Variants in KDM6A observed in about 807,000 individuals in gnomAD.
The protein encoded by KDM6A is lysine-specific demethylase 6A.
KDM6A carries 11 observed loss-of-function variants against 117.6 expected under a neutral mutation model. The ratio of observed to expected loss-of-function variants is 0.09; its 90% CI spans 0.06 to 0.15. The LOEUF (loss-of-function observed/expected upper bound fraction) is 0.15, where lower values mean the gene tolerates loss of function less well. KDM6A is among the 10% of genes least tolerant of loss of function. The pLI, the probability that KDM6A is intolerant of heterozygous loss-of-function variation, is 1.00. For synonymous variants in KDM6A, 384 were observed against 396.1 expected (o/e 0.97, Z 0.36); for missense variants, 799 against 1,077.3 (o/e 0.74, Z 3.62).
At chrX:45,062,794 A>AT (rs957858908) in intron 16 of KDM6A, 46 bp downstream of exon 16, 1 of 812,302 alleles carries the variant, frequency 1.2e-6, no homozygotes, top group Non-Finnish European at 1.9e-6. Flanking sequence ...CATTTTGAGT[A>AT]TTTTTATTGA....
At chrX:45,055,098 A>G (rs1250660281) in intron 10 of KDM6A, among the ~76,000 whole-genome samples, 2 of 111,115 alleles carry the variant, frequency 1.8e-5, no homozygotes, top group South Asian at 3.8e-4. Flanking sequence ...AAAGGTTCCA[A>G]TTTTATGACT....
At chrX:44,957,387 A>C (rs2038398970) in intron 2 of KDM6A, among the ~76,000 whole-genome samples, 1 of 112,337 alleles carries the variant, frequency 8.9e-6, no homozygotes, top group South Asian at 3.6e-4. Flanking sequence ...CAAGTTCATC[A>C]TAAAAGATTA....
At chrX:44,972,029 T>C (rs2039372469) in intron 3 of KDM6A, among the ~76,000 whole-genome samples, 1 of 110,412 alleles carries the variant, frequency 9.1e-6, no homozygotes, top group Non-Finnish European at 1.9e-5. Flanking sequence ...GTGTTGGCAA[T>C]ACCAAGAAGC....
chrX:44,942,693 A>T (rs192375328), intron 2 of KDM6A, among the ~76,000 whole-genome samples: 2 of 109,584 alleles, frequency 1.8e-5, no homozygotes, highest in Admixed American at 2.0e-4. Context: ...AATAAAAATT[A>T]GGGGGGATTG....
chrX:45,032,498 T>A (rs2042640473), intron 6 of KDM6A, among the ~76,000 whole-genome samples: 1 of 112,158 alleles, frequency 8.9e-6, no homozygotes, highest in Non-Finnish European at 1.9e-5. Flanking sequence ...AATTATTCTG[T>A]AAGTTCTTTC....
chrX:44,984,927 A>C (rs1432531844), intron 4 of KDM6A, among the ~76,000 whole-genome samples: 3 of 110,954 alleles, frequency 2.7e-5, no homozygotes, highest in Non-Finnish European at 5.7e-5. Flanking sequence ...AGTTTAAAGT[A>C]GTTTTTTCCA....
At chrX:44,886,647 G>A (rs933138724) in intron 2 of KDM6A, among the ~76,000 whole-genome samples, 6 of 107,459 alleles carry the variant, frequency 5.6e-5, no homozygotes, top group African/African-American at 2.0e-4. Flanking sequence ...CTACCACCAC[G>A]CCCTGCTGAT....
At chrX:44,983,249 G>A (rs1408747219) in intron 4 of KDM6A, among the ~76,000 whole-genome samples, 1 of 111,456 alleles carries the variant, frequency 9.0e-6, no homozygotes, top group African/African-American at 3.3e-5. Context: ...CCCCAAGTCA[G>A]CACAAATAGG....
intron 8 of KDM6A, among the ~76,000 whole-genome samples, chrX:45,050,314 TGG>T (rs1248835495): frequency 8.9e-6 from 1 of 112,667 alleles, no homozygotes; most frequent in Non-Finnish European, 1.9e-5. Flanking sequence ...CACTCCAGCC[TGG>T]GCAACAAGGG....
At chrX:44,918,832 G>A (rs904370012) in intron 2 of KDM6A, among the ~76,000 whole-genome samples, 1 of 111,890 alleles carries the variant, frequency 8.9e-6, no homozygotes, top group African/African-American at 3.2e-5. Context: ...TTAGGTGAAA[G>A]TGGGAGAGGA....
chrX:44,989,868 C>A (rs2040476055), intron 4 of KDM6A, among the ~76,000 whole-genome samples: 1 of 111,737 alleles, frequency 8.9e-6, no homozygotes, highest in African/African-American at 3.3e-5. Flanking sequence ...CAGACTTTTT[C>A]TTACAGGGCA....
At chrX:44,951,970 G>A (rs2038034441) in intron 2 of KDM6A, among the ~76,000 whole-genome samples, 2 of 112,113 alleles carry the variant, frequency 1.8e-5, no homozygotes, top group African/African-American at 6.5e-5. Context: ...GTATATGTAA[G>A]TTGCTTAGAA....
intron 8 of KDM6A, among the ~76,000 whole-genome samples, chrX:45,043,993 G>T (rs1412867803): frequency 1.8e-5 from 2 of 111,550 alleles, no homozygotes; most frequent in African/African-American, 6.5e-5. Flanking sequence ...TCTATGTTTA[G>T]ATATTTACCA....
At chrX:44,876,986 T>C (rs767479356) in intron 2 of KDM6A, among the ~76,000 whole-genome samples, 2 of 110,742 alleles carry the variant, frequency 1.8e-5, no homozygotes, top group Non-Finnish European at 3.9e-5. Flanking sequence ...TATATACACG[T>C]ATACGCATAC....
chrX:45,111,329 T>G, intron 29 of KDM6A, 53 bp from the exon 30 acceptor site: 115 of 974,836 alleles, frequency 1.2e-4, no homozygotes, highest in Non-Finnish European at 1.6e-4. Flanking sequence ...TTTGTAGCCA[T>G]GAGCTATTAA....
chrX:45,015,986 A>G (rs770749845), intron 5 of KDM6A, among the ~76,000 whole-genome samples: 2 of 111,861 alleles, frequency 1.8e-5, no homozygotes, highest in East Asian at 5.6e-4. Context: ...TATATTAGCA[A>G]CTGTCAGTGT....
intron 23 of KDM6A, 70 bp downstream of exon 23, chrX:45,082,859 T>A: frequency 3.0e-6 from 2 of 671,569 alleles, no homozygotes; most frequent in South Asian, 2.5e-5. Flanking sequence ...GGGAATTCTC[T>A]ACAATTTCCT....
At chrX:45,099,295 C>CTTTT (rs11380643) in intron 27 of KDM6A, among the ~76,000 whole-genome samples, 10 of 101,064 alleles carry the variant, frequency 9.9e-5, no homozygotes, top group Non-Finnish European at 1.6e-4. Context: ...CCAAAAATGT[C>CTTTT]TTTTTTTTTT....
chrX:44,894,559 G>A (rs1000986685), intron 2 of KDM6A, among the ~76,000 whole-genome samples: 2 of 109,694 alleles, frequency 1.8e-5, no homozygotes, highest in Non-Finnish European at 3.8e-5. Flanking sequence ...TTCCTGACAC[G>A]ATGATTTGTG....
Sources: allele counts gnomAD v4.1 joint callset (sites outside exome capture counted in the v4.1 genomes callset), GRCh38; gene constraint gnomAD v4.1.1; transcripts MANE v1.5; gene names NCBI Gene and HGNC (gene_info 2026-07-23, HGNC 2026-07-21).